Variants in HPSE2 observed in about 807,000 individuals in gnomAD.
The protein encoded by HPSE2 is inactive heparanase-2.
Under a neutral mutation model 60.5 loss-of-function variants are expected in HPSE2, and 38 were observed. The ratio of observed to expected loss-of-function variants is 0.63; its 90% CI spans 0.48 to 0.82. The LOEUF (loss-of-function observed/expected upper bound fraction) is 0.82. Among genes scored for constraint, HPSE2 ranks in the 40% least tolerant of loss-of-function variants. The pLI, the probability that HPSE2 is intolerant of heterozygous loss-of-function variation, is 0.00. For synonymous variants in HPSE2, 295 were observed against 293.2 expected (o/e 1.01, Z -0.06); for missense variants, 713 against 740.4 (o/e 0.96, Z 0.43).
intron 5 of HPSE2, among the ~76,000 whole-genome samples, chr10:98,713,721 T>A (rs1935257652): frequency 6.6e-6 from 1 of 151,984 alleles, no homozygotes; most frequent in African/African-American, 2.4e-5. Flanking sequence ...ATGTTTTATT[T>A]TTTTTTCCTC....
the HPSE2 span, among the ~76,000 whole-genome samples, chr10:99,315,456 T>C: frequency 6.6e-6 from 1 of 152,168 alleles, no homozygotes; most frequent in Admixed American, 6.5e-5. Flanking sequence ...GGTTAAGAAC[T>C]CCTAGTTTAA....
At chr10:98,570,864 T>C (rs1046879302) in intron 9 of HPSE2, among the ~76,000 whole-genome samples, 1 of 152,152 alleles carries the variant, frequency 6.6e-6, no homozygotes, top group Admixed American at 6.5e-5. Context: ...AAAAATACGA[T>C]TCTTTCTCAG....
At chr10:98,905,042 T>G (rs1953771190) in intron 3 of HPSE2, among the ~76,000 whole-genome samples, 1 of 152,164 alleles carries the variant, frequency 6.6e-6, no homozygotes, top group Admixed American at 6.5e-5. Flanking sequence ...CTTACATACA[T>G]GGGCATAATA....
At chr10:98,570,802 A>G (rs989428431) in intron 9 of HPSE2, among the ~76,000 whole-genome samples, 1 of 137,880 alleles carries the variant, frequency 7.3e-6, no homozygotes, top group African/African-American at 2.6e-5. Context: ...CACGCACCTC[A>G]TGTCTTCTGG....
At chr10:98,529,112 C>T (rs982465476) in intron 9 of HPSE2, among the ~76,000 whole-genome samples, 1 of 152,258 alleles carries the variant, frequency 6.6e-6, no homozygotes, top group Non-Finnish European at 1.5e-5. Context: ...ACTCAACCAA[C>T]ACACACTCAG....
At chr10:98,517,629 T>TA (rs1942646136) in intron 9 of HPSE2, among the ~76,000 whole-genome samples, 1 of 152,222 alleles carries the variant, frequency 6.6e-6, no homozygotes, top group South Asian at 2.1e-4. Flanking sequence ...CCCAGCCAAC[T>TA]AAGGTTTCCA....
intron 3 of HPSE2, among the ~76,000 whole-genome samples, chr10:99,097,509 T>G (rs1016231744): frequency 6.6e-6 from 1 of 152,202 alleles, no homozygotes; most frequent in African/African-American, 2.4e-5. Context: ...AGCATTCTCT[T>G]TTTAAAATTT....
the HPSE2 span, among the ~76,000 whole-genome samples, chr10:99,300,412 G>T: frequency 6.6e-6 from 1 of 152,258 alleles, no homozygotes. Context: ...TATAGGAGTA[G>T]CCTACTCAGA....
chr10:98,941,159 TA>T (rs1954987185), intron 3 of HPSE2, among the ~76,000 whole-genome samples: 1 of 141,034 alleles, frequency 7.1e-6, no homozygotes, highest in Non-Finnish European at 1.5e-5. Flanking sequence ...AGCAATCCCT[TA>T]GAAAACTGGC....
At chr10:98,970,037 C>T (rs1955912180) in intron 3 of HPSE2, among the ~76,000 whole-genome samples, 1 of 151,824 alleles carries the variant, frequency 6.6e-6, no homozygotes, top group Admixed American at 6.6e-5. Flanking sequence ...TCTCAGCTCA[C>T]TGCAACCTCT....
chr10:99,231,687 A>T (rs1849649783), intron 2 of HPSE2, among the ~76,000 whole-genome samples: 1 of 150,986 alleles, frequency 6.6e-6, no homozygotes, highest in African/African-American at 2.5e-5. Context: ...TTGTAATCCC[A>T]TTTTAAAACA....
intron 3 of HPSE2, among the ~76,000 whole-genome samples, chr10:98,844,998 T>C (rs536082689): frequency 2.2e-4 from 33 of 152,308 alleles, no homozygotes; most frequent in African/African-American, 7.2e-4. Context: ...TTAAATGCCA[T>C]TAAGATGTTA....
intron 9 of HPSE2, among the ~76,000 whole-genome samples, chr10:98,550,591 C>T (rs896618496): frequency 6.6e-6 from 1 of 152,094 alleles, no homozygotes; most frequent in Non-Finnish European, 1.5e-5. Context: ...GCCTCAGCCC[C>T]TGAGTAGCTG....
At chr10:99,083,427 C>A (rs538837404) in intron 3 of HPSE2, among the ~76,000 whole-genome samples, 1 of 152,240 alleles carries the variant, frequency 6.6e-6, no homozygotes, top group East Asian at 1.9e-4. Flanking sequence ...ATTTTGTAAT[C>A]AAAAGCATCT....
At chr10:99,104,315 G>A (rs1280438935) in intron 3 of HPSE2, among the ~76,000 whole-genome samples, 2 of 152,056 alleles carry the variant, frequency 1.3e-5, no homozygotes, top group East Asian at 3.9e-4. Context: ...CCATCAACAA[G>A]TGGGTGAAGG....
At chr10:98,865,024 G>C (rs920311924) in intron 3 of HPSE2, among the ~76,000 whole-genome samples, 1 of 152,152 alleles carries the variant, frequency 6.6e-6, no homozygotes, top group Middle Eastern at 3.4e-3. Context: ...TTTTTGTTCA[G>C]TGTTTTTATC....
At chr10:99,097,844 G>C (rs12570787) in intron 3 of HPSE2, among the ~76,000 whole-genome samples, 2,488 of 152,242 alleles carry the variant, frequency 0.016, 95 homozygotes, top group East Asian at 0.15. Flanking sequence ...AATGAAACTG[G>C]TAGTAAATGG....
intron 9 of HPSE2, among the ~76,000 whole-genome samples, chr10:98,538,369 C>T (rs889626071): frequency 6.6e-6 from 1 of 152,090 alleles, no homozygotes; most frequent in Non-Finnish European, 1.5e-5. Flanking sequence ...TTTTATGGGT[C>T]CTGACAATCT....
intron 3 of HPSE2, among the ~76,000 whole-genome samples, chr10:99,128,738 A>C (rs1845262146): frequency 6.6e-6 from 1 of 152,170 alleles, no homozygotes; most frequent in South Asian, 2.1e-4. Flanking sequence ...TGCTGGGCTT[A>C]ATACCTAGGT....
Sources: allele counts gnomAD v4.1 joint callset (sites outside exome capture counted in the v4.1 genomes callset), GRCh38; gene constraint gnomAD v4.1.1; transcripts MANE v1.5; gene names NCBI Gene and HGNC (gene_info 2026-07-23, HGNC 2026-07-21).